Variants in STAB2 observed in about 807,000 individuals in gnomAD.
The protein encoded by STAB2 is stabilin-2.
A neutral mutation model predicts 338.1 loss-of-function variants in STAB2; 288 were observed. The observed-to-expected ratio is 0.85, with a 90% CI of 0.77 to 0.94. STAB2 has a LOEUF of 0.94. STAB2 is among the 40% of genes least tolerant of loss of function. STAB2 has a pLI of 0.00. For missense variants in STAB2, 3,141 were observed against 3,210.1 expected, an observed-to-expected ratio of 0.98 and a Z score of 0.52; for synonymous variants, 1,202 against 1,193.3, an observed-to-expected ratio of 1.01 and a Z score of -0.15.
chr12:103,736,678 C>T (rs1882149809), intron 52 of STAB2, among the ~76,000 whole-genome samples: 1 of 152,014 alleles, frequency 6.6e-6, no homozygotes, highest in South Asian at 2.1e-4. Flanking sequence ...ATCCTTTACT[C>T]TATTTACCTG....
chr12:103,678,062 G>A (rs1050095153), intron 25 of STAB2, among the ~76,000 whole-genome samples: 4 of 152,152 alleles, frequency 2.6e-5, no homozygotes, highest in African/African-American at 9.7e-5. Context: ...TGGAAAAAGA[G>A]ACAACTGATA....
In STAB2 at chr12:103,749,020, A is replaced by G. The variant is rs1038986045; in HGVS notation, c.6302A>G (p.Gln2101Arg). 1.3e-5 allele frequency: 21 copies of G among 1,614,056 alleles called. No homozygotes were observed. The highest frequency in any genetic ancestry group is 1.8e-5 in the Non-Finnish European group (21 of 1,180,022). Residue 2101 changes from glutamine to arginine, a missense_variant, in exon 59 of 69, where the codon CAG becomes CGG. Gln to Arg is a conservative substitution (Grantham distance 43). Transcript: ENST00000388887. Reference protein sequence around the residue: ...GGCAKVARCSQKGTKVSCSCQ... With the variant: ...GGCAKVARCSRKGTKVSCSCQ... ...TGTGCAAAGGTGGCCAGATGCTCCC[A>G]GAAGGGCACGAAGGTCTCCTGCAGC...
intron 21 of STAB2, 124 bp downstream of exon 21, chr12:103,669,751 A>T: frequency 1.3e-6 from 1 of 786,262 alleles, no homozygotes; most frequent in Non-Finnish European, 2.1e-6. Flanking sequence ...CCCCTTACTA[A>T]AAGAACAGCA....
At chr12:103,675,638 A>G (rs1250603765) in intron 23 of STAB2, among the ~76,000 whole-genome samples, 7 of 152,248 alleles carry the variant, frequency 4.6e-5, no homozygotes, top group Non-Finnish European at 8.8e-5. Context: ...CTTCAGCCTT[A>G]TATGGGAGGT....
intron 3 of STAB2, among the ~76,000 whole-genome samples, chr12:103,598,919 A>T (rs1956916120): frequency 6.6e-6 from 1 of 152,216 alleles, no homozygotes; most frequent in Non-Finnish European, 1.5e-5. Flanking sequence ...GGAAATTGAC[A>T]TGGGAGCAGA....
At chr12:103,681,476 T>C (rs922297517) in intron 25 of STAB2, among the ~76,000 whole-genome samples, 1 of 152,156 alleles carries the variant, frequency 6.6e-6, no homozygotes, top group Admixed American at 6.5e-5. Flanking sequence ...AGCTGTTCCA[T>C]GCCTCTCTCC....
In STAB2 at chr12:103,655,490, G is replaced by C. The variant is rs1874111480; in HGVS notation, c.1643G>C (p.Gly548Ala). ...TNLGHALDEDGVGGPYTIFVP... is the reference protein window; with the variant it reads ...TNLGHALDEDAVGGPYTIFVP... ...TTGGGACATGCCTTAGATGAGGATG[G>C]AGTTGGTGGACCATACACCATTTTT... The change falls in exon 15 of 69, where the codon GGA (glycine) becomes GCA (alanine). Residue 548 changes from glycine (G) to alanine (A), a missense_variant. Transcript: ENST00000388887. 2 of 1,613,888 alleles carry C rather than the reference G, an allele frequency of 1.2e-6. No homozygotes were observed. Among genetic ancestry groups the C allele is most frequent in the Admixed American group, 3.3e-5 (2 of 59,978 alleles).
chr12:103,626,213 T>A (rs1048088499), intron 5 of STAB2, among the ~76,000 whole-genome samples: 5 of 152,222 alleles, frequency 3.3e-5, no homozygotes, highest in Non-Finnish European at 5.9e-5. Flanking sequence ...CACATATGAC[T>A]ATTGAGCACC....
At chr12:103,690,064 C>A in intron 29 of STAB2, 82 bp downstream of exon 29, 1 of 1,525,310 alleles carries the variant, frequency 6.6e-7, no homozygotes, top group Non-Finnish European at 8.8e-7. Flanking sequence ...GTAGGAAAAC[C>A]ACATGGTCCT....
chr12:103,746,438 A>G (rs1883038267), intron 57 of STAB2, 159 bp from the exon 58 acceptor site: 2 of 646,426 alleles, frequency 3.1e-6, no homozygotes, highest in South Asian at 1.9e-5. Context: ...AGAATCTCCA[A>G]GGCTAGAAAA....
chr12:103,763,528 C>T lies in STAB2; in HGVS notation c.7525C>T (p.Gln2509Ter). ...EDINVAALGK[Q>*]QPENISNPLY... The stretch of plus-strand genomic sequence containing the variant: ...CATTAATGTTGCAGCTCTTGGCAAG[C>T]AGCAGCCTGAGAATATCTCGAACCC... Residue 2509 changes from glutamine (Q) to a stop codon, truncating the protein, a stop_gained, in exon 68 of 69, where the codon CAG becomes TAG. Transcript: ENST00000388887. LOFTEE classifies it high-confidence loss of function. 1 of 1,614,132 alleles carries T rather than the reference C, an allele frequency of 6.2e-7. No individual in the cohort carries two copies. The highest frequency in any genetic ancestry group is 8.5e-7 in the Non-Finnish European group (1 of 1,180,012).
intron 58 of STAB2, among the ~76,000 whole-genome samples, chr12:103,748,552 C>A (rs914011139): frequency 5.9e-5 from 9 of 151,294 alleles, no homozygotes; most frequent in East Asian, 3.9e-4. Flanking sequence ...ATGTCTATCT[C>A]ACAGGGTGCT....
rs60137289 is a variant in STAB2, at chr12:103,708,185, A to G, written c.4193-256A>G. Among the ~76,000 whole-genome samples the G allele has an allele frequency of 2.5e-3, 380 of 152,318 alleles. 1 individual carries two copies. Among genetic ancestry groups the G allele is most frequent in the African/African-American group, 8.9e-3 (369 of 41,576 alleles). On this transcript the variant is annotated intron_variant, in intron 38 of 68. Coordinates refer to ENST00000388887, the MANE Select transcript of STAB2 (RefSeq NM_017564.10). ...GACACTCTCACACTGCTTGGGTCAC[A>G]GATCTTCAGTGCTACACTGTCTCAA...
chr12:103,613,805 G>C (rs113390542), intron 3 of STAB2, among the ~76,000 whole-genome samples: 27 of 152,226 alleles, frequency 1.8e-4, no homozygotes, highest in African/African-American at 6.0e-4. Flanking sequence ...GACTGGAGCT[G>C]TTCCTATTCG....
intron 15 of STAB2, 139 bp downstream of exon 15, chr12:103,655,720 C>A: frequency 1.0e-6 from 1 of 991,606 alleles, no homozygotes; most frequent in Non-Finnish European, 1.4e-6. Context: ...CCAAGGCAGG[C>A]ATCACTAATC....
chr12:103,615,662 G>C (rs965898480), intron 3 of STAB2, among the ~76,000 whole-genome samples: 22 of 152,156 alleles, frequency 1.4e-4, no homozygotes, highest in Non-Finnish European at 3.2e-4. Context: ...CCCAAGCCTG[G>C]GTAATTTATA....
intron 25 of STAB2, among the ~76,000 whole-genome samples, chr12:103,679,696 G>A (rs1876723546): frequency 1.3e-5 from 2 of 152,162 alleles, no homozygotes; most frequent in Non-Finnish European, 2.9e-5. Flanking sequence ...AAATGGTACA[G>A]CTGCTATGGA....
At chr12:103,669,045 C>T (rs1315959768) in intron 20 of STAB2, among the ~76,000 whole-genome samples, 1 of 152,124 alleles carries the variant, frequency 6.6e-6, no homozygotes, top group Non-Finnish European at 1.5e-5. Flanking sequence ...CTTGCCATTC[C>T]CTCCCTCTGA....
chr12:103,679,391 GT>G (rs2138854841), intron 25 of STAB2, among the ~76,000 whole-genome samples: 1 of 151,908 alleles, frequency 6.6e-6, no homozygotes, highest in South Asian at 2.1e-4. Flanking sequence ...AAAAAGGGGG[GT>G]CAACATGATT....
Sources: gnomAD v4.1 joint callset for allele counts (sites outside exome capture counted in the v4.1 genomes callset) on GRCh38, gnomAD v4.1.1 for gene constraint, MANE v1.5 for transcripts, NCBI Gene and HGNC (gene_info 2026-07-23, HGNC 2026-07-21) for gene names.